Variants in PXDNL observed in about 807,000 individuals in gnomAD.
PXDNL encodes the protein probable oxidoreductase PXDNL.
A neutral mutation model predicts 150.8 loss-of-function variants in PXDNL; 145 were observed. The ratio of observed to expected loss-of-function variants is 0.96; its 90% CI spans 0.84 to 1.10. PXDNL has a LOEUF of 1.10. PXDNL is among the 50% of genes least tolerant of loss of function. The pLI is 0.00. For missense variants in PXDNL, 2,087 were observed against 1,873.9 expected, an observed-to-expected ratio of 1.11 and a Z score of -2.10; for synonymous variants, 757 against 725.7, an observed-to-expected ratio of 1.04 and a Z score of -0.69.
intron 19 of PXDNL, among the ~76,000 whole-genome samples, chr8:51,349,609 T>A (rs931101308): frequency 1.3e-5 from 2 of 152,172 alleles, no homozygotes; most frequent in Non-Finnish European, 2.9e-5. Flanking sequence ...GCCTAGTAAA[T>A]GCTTTAATAA....
In PXDNL at chr8:51,409,512, G is replaced by A; in HGVS notation, c.2112C>T (p.Ala704=). ...TGCGAGCTGTGCATCCAGATAAATTGGCGATGAGGCTGAGGGAGCGCGGGG... is the reference window on the plus strand; with the variant it reads ...TGCGAGCTGTGCATCCAGATAAATTAGCGATGAGGCTGAGGGAGCGCGGGG... ...LVSPRSLSLI[A]NLSGCTARRP... Residue 704 remains alanine (A), a synonymous_variant, in exon 17 of 23, where the codon GCC becomes GCT. Coordinates refer to ENST00000356297, the MANE Select transcript of PXDNL (RefSeq NM_144651.5). 1 of 1,610,386 alleles carries A rather than the reference G, an allele frequency of 6.2e-7. No homozygotes were observed. The highest frequency in any genetic ancestry group is 8.5e-7 in the Non-Finnish European group (1 of 1,178,916).
At chr8:51,790,553 G>C in intron 1 of PXDNL, among the ~76,000 whole-genome samples, 1 of 152,132 alleles carries the variant, frequency 6.6e-6, no homozygotes, top group Non-Finnish European at 1.5e-5. Context: ...GAGCAACTAA[G>C]GGCAGCATTA....
chr8:51,517,938 G>A (rs547217553), intron 4 of PXDNL, among the ~76,000 whole-genome samples: 3 of 152,188 alleles, frequency 2.0e-5, no homozygotes, highest in East Asian at 1.9e-4. Context: ...CGTACTTTTC[G>A]GTGTGATTAA....
In PXDNL at chr8:51,409,007, G is replaced by A. The variant is rs1017106989; in HGVS notation, c.2617C>T (p.Arg873Cys). ...ARSSPACASG[R>C]PSATVDSVYA... ...ACTGAATCCACCGTCGCAGAGGGACGGCCGCTGGCACACGCGGGGCTGGAG... is the reference window on the plus strand; with the variant it reads ...ACTGAATCCACCGTCGCAGAGGGACAGCCGCTGGCACACGCGGGGCTGGAG... Residue 873 changes from arginine to cysteine, a missense_variant, in exon 17 of 23, where the codon CGT becomes TGT. Physicochemically the swap from Arg to Cys is radical, Grantham distance 180 (BLOSUM62 -3). Transcript: ENST00000356297. 3 of 1,611,018 alleles carry A rather than the reference G, an allele frequency of 1.9e-6. No homozygotes were observed. The highest frequency in any genetic ancestry group is 1.3e-5 in the African/African-American group (1 of 74,940).
Position 51,715,211 on chromosome 8 carries a change from G to A in PXDNL, c.165-60451C>T, listed in dbSNP as rs915835524. Among the ~76,000 whole-genome samples, 8 of 152,082 alleles carry A rather than the reference G, an allele frequency of 5.3e-5. No individual in the cohort carries two copies. In the South Asian group the frequency reaches 8.3e-4, roughly 16 times the overall value. ...AGTGAAGGACTTGAATAGACATTTCGCCAAAGAAGACATACAGAGGGCCAA... is the reference window on the plus strand; with the variant it reads ...AGTGAAGGACTTGAATAGACATTTCACCAAAGAAGACATACAGAGGGCCAA... On this transcript the variant is annotated intron_variant, in intron 1 of 22. Transcript: ENST00000356297.
chr8:51,583,469 G>A (rs534108414), intron 3 of PXDNL, among the ~76,000 whole-genome samples: 2 of 152,184 alleles, frequency 1.3e-5, no homozygotes, highest in South Asian at 4.1e-4. Flanking sequence ...GCATTTCTGT[G>A]GTATTAGTTG....
intron 1 of PXDNL, among the ~76,000 whole-genome samples, chr8:51,738,932 C>CA (rs72054429): frequency 2.2e-4 from 32 of 148,616 alleles, no homozygotes; most frequent in South Asian, 4.3e-4. Flanking sequence ...GAAAATAGTA[C>CA]AAAAAAAAAG....
chr8:51,511,824 G>C (rs1315730478), intron 4 of PXDNL, among the ~76,000 whole-genome samples: 1 of 152,184 alleles, frequency 6.6e-6, no homozygotes, highest in African/African-American at 2.4e-5. Context: ...CAGTAGGCTT[G>C]AGAAGAAATG....
At chr8:51,744,923 A>G (rs1320554501) in intron 1 of PXDNL, among the ~76,000 whole-genome samples, 48 of 120,860 alleles carry the variant, frequency 4.0e-4, no homozygotes, top group African/African-American at 1.5e-3. Flanking sequence ...GGAAGGAAAG[A>G]AAGAAAAAGA....
rs1346977450 is a variant in PXDNL, at chr8:51,735,577, C to G, written c.164+73604G>C. ...TTTTTTTTTTTTTGAGACGGAGTCT[C>G]GCTCTGTCGCCCAGGCTGGAGTGCA... On this transcript the variant is annotated intron_variant, in intron 1 of 22. Coordinates refer to ENST00000356297, the MANE Select transcript of PXDNL (RefSeq NM_144651.5). Among the ~76,000 whole-genome samples, 9 of 111,436 alleles carry G rather than the reference C, an allele frequency of 8.1e-5. No homozygotes were observed. In the East Asian group the frequency reaches 1.8e-3, roughly 22 times the overall value. The allele number at this position is 111,436 out of a possible 152,430, so 73.1% of individuals were successfully genotyped here.
chr8:51,627,847 A>T (rs1814395930), intron 2 of PXDNL, among the ~76,000 whole-genome samples: 3 of 152,148 alleles, frequency 2.0e-5, no homozygotes, highest in African/African-American at 7.2e-5. Context: ...TTCTCAGAGA[A>T]TTCTCAAAGT....
At chr8:51,600,993 A>G (rs1813708802) in intron 2 of PXDNL, among the ~76,000 whole-genome samples, 3 of 145,990 alleles carry the variant, frequency 2.1e-5, no homozygotes, top group African/African-American at 7.5e-5. Flanking sequence ...TATATCTTAT[A>G]TAAATTATAT....
chr8:51,771,724 C>G (rs964860948), intron 1 of PXDNL, among the ~76,000 whole-genome samples: 1 of 152,086 alleles, frequency 6.6e-6, no homozygotes, highest in Non-Finnish European at 1.5e-5. Context: ...GAAAGAGAGA[C>G]AGACAGAAAG....
At chr8:51,460,834 CAA>C (rs1447115456) in intron 8 of PXDNL, among the ~76,000 whole-genome samples, 1 of 152,128 alleles carries the variant, frequency 6.6e-6, no homozygotes, top group African/African-American at 2.4e-5. Context: ...GCAACTCCAG[CAA>C]AATGTGACCA....
At chr8:51,576,085 C>T (rs1285712459) in intron 3 of PXDNL, among the ~76,000 whole-genome samples, 2 of 151,364 alleles carry the variant, frequency 1.3e-5, no homozygotes, top group Non-Finnish European at 1.5e-5. Flanking sequence ...GATTTTAATA[C>T]CCTTTTCTCA....
chr8:51,559,192 G>A (rs564378527), intron 3 of PXDNL, among the ~76,000 whole-genome samples: 1 of 151,922 alleles, frequency 6.6e-6, no homozygotes, highest in South Asian at 2.1e-4. Flanking sequence ...AGCAGTTAAG[G>A]AGAACTATAA....
chr8:51,438,328 T>C (rs984497295), intron 12 of PXDNL, among the ~76,000 whole-genome samples: 3 of 145,402 alleles, frequency 2.1e-5, no homozygotes, highest in African/African-American at 7.8e-5. Flanking sequence ...AAAATTCATA[T>C]GGAAGCAAAA....
At chr8:51,652,017 G>C (rs1815051061) in intron 2 of PXDNL, among the ~76,000 whole-genome samples, 1 of 152,110 alleles carries the variant, frequency 6.6e-6, no homozygotes, top group South Asian at 2.1e-4. Flanking sequence ...AATGCCAACT[G>C]TTTTTGAGAA....
chr8:51,478,419 G>C (rs1411431560), intron 6 of PXDNL, among the ~76,000 whole-genome samples: 1 of 152,134 alleles, frequency 6.6e-6, no homozygotes, highest in Non-Finnish European at 1.5e-5. Context: ...AGTGGTGCTA[G>C]GTAAATTAAT....
Sources: gnomAD v4.1 joint callset for allele counts (sites outside exome capture counted in the v4.1 genomes callset) on GRCh38, gnomAD v4.1.1 for gene constraint, MANE v1.5 for transcripts, NCBI Gene and HGNC (gene_info 2026-07-23, HGNC 2026-07-21) for gene names.